The following FAM107B variants were observed in gnomAD, a reference collection of about 807,000 sequenced individuals.
FAM107B encodes protein FAM107B.
In FAM107B, 21 loss-of-function variants were observed where a neutral mutation model predicts 31.5. The observed-to-expected ratio is 0.67, with a 90% confidence interval of 0.47 to 0.96. The LOEUF (loss-of-function observed/expected upper bound fraction) is 0.96, where lower values mean the gene tolerates loss of function less well. Among genes scored for constraint, FAM107B ranks in the 40% least tolerant of loss-of-function variants. The pLI is 0.00. For synonymous variants in FAM107B, 157 were observed against 141.5 expected (o/e 1.11, Z -0.78); for missense variants, 452 against 377.1 (o/e 1.20, Z -1.64).
chr10:14,557,373 G>A (rs1229386887), intron 2 of FAM107B, among the ~76,000 whole-genome samples: 1 of 152,190 alleles, frequency 6.6e-6, no homozygotes, highest in African/African-American at 2.4e-5. Context: ...ATTGTGCATG[G>A]AGAAAAGATG....
chr10:14,702,105 T>A (rs1855412756), intron 1 of FAM107B, among the ~76,000 whole-genome samples: 1 of 152,222 alleles, frequency 6.6e-6, no homozygotes, highest in Non-Finnish European at 1.5e-5. Context: ...TGACAACAAT[T>A]AATTTGTTCC....
intron 2 of FAM107B, among the ~76,000 whole-genome samples, chr10:14,536,220 A>G (rs374838434): frequency 1.6e-4 from 24 of 152,384 alleles, no homozygotes; most frequent in African/African-American, 5.5e-4. Context: ...AATTCTATCT[A>G]GAAGCACTAA....
intron 1 of FAM107B, among the ~76,000 whole-genome samples, chr10:14,773,239 C>T (rs1185120660): frequency 6.6e-6 from 1 of 152,204 alleles, no homozygotes; most frequent in Non-Finnish European, 1.5e-5. Context: ...TCAAATGAAA[C>T]TATTTTTTAA....
intron 1 of FAM107B, among the ~76,000 whole-genome samples, chr10:14,746,742 C>A (rs1360566678): frequency 6.6e-6 from 1 of 152,164 alleles, no homozygotes; most frequent in Non-Finnish European, 1.5e-5. Flanking sequence ...TCTTTCATAT[C>A]AACCTTGGAG....
intron 1 of FAM107B, among the ~76,000 whole-genome samples, chr10:14,767,323 C>A (rs1368432026): frequency 1.3e-5 from 2 of 150,908 alleles, no homozygotes; most frequent in African/African-American, 2.4e-5. Flanking sequence ...AACTCCTGAC[C>A]TCATATGATT....
At chr10:14,600,038 C>T (rs905728143) in intron 2 of FAM107B, among the ~76,000 whole-genome samples, 2 of 152,170 alleles carry the variant, frequency 1.3e-5, no homozygotes, top group African/African-American at 2.4e-5. Flanking sequence ...ATCTCTCTCC[C>T]CGTTTTCCTT....
chr10:14,621,517 G>GA (rs1418411507), intron 2 of FAM107B, among the ~76,000 whole-genome samples: 2 of 152,300 alleles, frequency 1.3e-5, no homozygotes, highest in African/African-American at 4.8e-5. Context: ...ACAGGGCAAG[G>GA]AAAAATTAAA....
intron 2 of FAM107B, among the ~76,000 whole-genome samples, chr10:14,594,664 T>C (rs1852127956): frequency 1.3e-5 from 2 of 152,176 alleles, no homozygotes; most frequent in African/African-American, 2.4e-5. Flanking sequence ...GGCCCAAGTC[T>C]GATCCCAGCT....
At chr10:14,685,629 A>T (rs1267256076) in intron 1 of FAM107B, among the ~76,000 whole-genome samples, 1 of 152,180 alleles carries the variant, frequency 6.6e-6, no homozygotes, top group Non-Finnish European at 1.5e-5. Flanking sequence ...AAGTTCAGAC[A>T]AGAGTCTCAG....
At chr10:14,569,020 G>GAAGA (rs1850957262) in intron 2 of FAM107B, among the ~76,000 whole-genome samples, 1 of 152,166 alleles carries the variant, frequency 6.6e-6, no homozygotes, top group South Asian at 2.1e-4. Context: ...TGTTTATCCT[G>GAAGA]AAGAAATGAA....
At chr10:14,701,496 C>T (rs371442948) in intron 1 of FAM107B, among the ~76,000 whole-genome samples, 10 of 152,250 alleles carry the variant, frequency 6.6e-5, no homozygotes, top group East Asian at 5.8e-4. Flanking sequence ...CCTCCCACCT[C>T]GGCCTCCCAA....
At position 14,580,328 on chromosome 10, in the gene FAM107B, C is replaced by G. The variant is rs1337630554; in HGVS notation, c.470-49813G>C. Among the ~76,000 whole-genome samples the G allele has an allele frequency of 2.0e-5, 3 of 150,546 alleles. No homozygotes were observed. In the East Asian group the frequency reaches 5.9e-4, roughly 30 times the overall value. ...TGAGCCGAGATCATGCCACTGCACTCCAGCCTGCACGACAGAGCAAGACTC... is the reference window on the plus strand; with the variant it reads ...TGAGCCGAGATCATGCCACTGCACTGCAGCCTGCACGACAGAGCAAGACTC... On this transcript the variant is annotated intron_variant, in intron 2 of 4. Transcript: ENST00000181796.
intron 1 of FAM107B, among the ~76,000 whole-genome samples, chr10:14,764,544 G>C (rs1833124368): frequency 2.0e-5 from 3 of 152,130 alleles, no homozygotes; most frequent in African/African-American, 7.2e-5. Flanking sequence ...GCCTTCCCTG[G>C]TGCAGAATTA....
At chr10:14,565,192 C>A (rs989668929) in intron 2 of FAM107B, among the ~76,000 whole-genome samples, 2 of 152,226 alleles carry the variant, frequency 1.3e-5, no homozygotes, top group Non-Finnish European at 2.9e-5. Context: ...AAACTCCCTG[C>A]CTCGTGGACT....
chr10:14,528,495 A>G (rs1031960655), intron 3 of FAM107B, among the ~76,000 whole-genome samples: 2 of 152,246 alleles, frequency 1.3e-5, no homozygotes, highest in East Asian at 3.9e-4. Context: ...TTTAATTTTT[A>G]TAAGAAAAAT....
rs181155990 is a variant in FAM107B at position 14,731,042 on chromosome 10, A to G, written c.411+43211T>C. Among the ~76,000 whole-genome samples the G allele has an allele frequency of 3.3e-5, 5 of 152,312 alleles. No individual in the cohort carries two copies. The East Asian group carries it at 9.7e-4, about 29-fold the overall frequency. On this transcript the variant is annotated intron_variant, in intron 1 of 4. Transcript: ENST00000181796. ...ACTGGAATCAGGGAGAGGGCTTAGCAGGCACAGGCGGATATTACAGACTTT... is the reference window on the plus strand; with the variant it reads ...ACTGGAATCAGGGAGAGGGCTTAGCGGGCACAGGCGGATATTACAGACTTT...
chr10:14,717,636 C>T (rs1031647787), intron 1 of FAM107B, among the ~76,000 whole-genome samples: 17 of 152,156 alleles, frequency 1.1e-4, no homozygotes, highest in African/African-American at 2.9e-4. Flanking sequence ...CCCAATCTTC[C>T]GCCTGCTTTG....
intron 2 of FAM107B, among the ~76,000 whole-genome samples, chr10:14,664,615 G>A (rs987740587): frequency 3.3e-5 from 5 of 152,184 alleles, no homozygotes; most frequent in African/African-American, 9.7e-5. Flanking sequence ...TAGCCTCAGT[G>A]TGTAGTAGGT....
rs1455058375 is a variant in FAM107B at position 14,572,736 on chromosome 10, A to ATTATATATATATATATATATAT, written c.470-42222_470-42221insATATATATATATATATATATAA. On this transcript the variant is annotated intron_variant, in intron 2 of 4. Transcript: ENST00000181796. ...CCCCATCTCTTCAAAAAAAAAAAAAAATTTATATATATATATATATATATT... is the reference window on the plus strand; with the variant it reads ...CCCCATCTCTTCAAAAAAAAAAAAAATTATATATATATATATATATATATTTATATATATATATATATATATT... Among the ~76,000 whole-genome samples, 253 of 86,412 alleles carry ATTATATATATATATATATATAT rather than the reference A, an allele frequency of 2.9e-3. 2 individuals are homozygous for ATTATATATATATATATATATAT. The highest frequency in any genetic ancestry group is 9.8e-3 in the African/African-American group (243 of 24,828). The allele number at this position is 86,412 out of a possible 152,430, so 56.7% of individuals were successfully genotyped here. A position where few individuals can be genotyped will look rare whatever the true frequency, so the allele number is the denominator to read the frequency against.
Sources: gnomAD v4.1 joint callset for allele counts (sites outside exome capture counted in the v4.1 genomes callset) on GRCh38, gnomAD v4.1.1 for gene constraint, MANE v1.5 for transcripts, NCBI Gene and HGNC (gene_info 2026-07-23, HGNC 2026-07-21) for gene names.